LDLRAD3: variants seen among roughly 807,000 people sequenced by gnomAD.
LDLRAD3 encodes low density lipoprotein receptor class A domain containing 3, also known as low-density lipoprotein receptor class A domain-containing protein 3.
Under a neutral mutation model 29.4 loss-of-function variants are expected in LDLRAD3, and 20 were observed. The observed-to-expected ratio is 0.68, with a 90% CI of 0.48 to 0.99. LDLRAD3 has a LOEUF of 0.99. Ranked by LOEUF, LDLRAD3 falls within the 50% of genes least tolerant of loss-of-function variation. The pLI is 0.00. For synonymous variants in LDLRAD3, 157 were observed against 192.7 expected (o/e 0.81, Z 1.53); for missense variants, 420 against 454.3 (o/e 0.92, Z 0.69).
intron 4 of LDLRAD3, among the ~76,000 whole-genome samples, chr11:36,192,327 C>T (rs1374242032): frequency 6.6e-6 from 1 of 152,204 alleles, no homozygotes; most frequent in Non-Finnish European, 1.5e-5. Context: ...GACCACTGCA[C>T]CCCCACTTGT....
At chr11:36,192,819 A>G (rs1288447339) in intron 4 of LDLRAD3, among the ~76,000 whole-genome samples, 1 of 152,188 alleles carries the variant, frequency 6.6e-6, no homozygotes, top group African/African-American at 2.4e-5. Flanking sequence ...CTCCCCGGCC[A>G]AACCAGCCAA....
At chr11:36,121,534 G>T (rs554775366) in intron 4 of LDLRAD3, among the ~76,000 whole-genome samples, 1 of 152,334 alleles carries the variant, frequency 6.6e-6, no homozygotes, top group South Asian at 2.1e-4. Flanking sequence ...CACCACAATG[G>T]CGATGGCTCC....
chr11:36,229,574 C>T lies in LDLRAD3; in HGVS notation c.*177C>T, dbSNP rs113278126. 3.6e-5 allele frequency: 21 copies of T among 576,242 alleles called. No homozygotes were observed. Among genetic ancestry groups the T allele is most frequent in the African/African-American group, 1.5e-4 (8 of 53,982 alleles). 35.7% of individuals were successfully genotyped at this position (576,242 alleles called of 1,614,324 possible). A position where few individuals can be genotyped will look rare whatever the true frequency, so the allele number is the denominator to read the frequency against. ...CCAGACTTCAGAGATGTTTTTCTGG[C>T]GTCTCAGTTGACATGATCTGTTGTG... On this transcript the variant is annotated 3_prime_UTR_variant, in exon 6 of 6. Coordinates refer to ENST00000315571, the MANE Select transcript of LDLRAD3 (RefSeq NM_174902.4).
At chr11:36,091,276 A>G (rs1853276298) in intron 3 of LDLRAD3, among the ~76,000 whole-genome samples, 1 of 152,202 alleles carries the variant, frequency 6.6e-6, no homozygotes, top group South Asian at 2.1e-4. Flanking sequence ...CCTTTGAGGT[A>G]GGAGAGGAGC....
chr11:36,137,143 C>T (rs1043413511), intron 4 of LDLRAD3, among the ~76,000 whole-genome samples: 1 of 152,176 alleles, frequency 6.6e-6, no homozygotes, highest in Non-Finnish European at 1.5e-5. Flanking sequence ...TGGAACATAA[C>T]GCAGCCATGC....
At chr11:35,967,516 A>G (rs1289954671) in intron 1 of LDLRAD3, 3 of 363,972 alleles carry the variant, frequency 8.2e-6, no homozygotes, top group Non-Finnish European at 1.6e-5. Context: ...CTAGGCAGCA[A>G]CTATCTGCTT....
intron 1 of LDLRAD3, among the ~76,000 whole-genome samples, chr11:35,969,357 C>T (rs549281545): frequency 6.6e-6 from 1 of 152,236 alleles, no homozygotes; most frequent in Admixed American, 6.5e-5. Flanking sequence ...TTAATGGGTC[C>T]CAGGTTCTCC....
chr11:36,105,339 G>A (rs778901184), intron 4 of LDLRAD3, among the ~76,000 whole-genome samples: 1 of 151,766 alleles, frequency 6.6e-6, no homozygotes, highest in Non-Finnish European at 1.5e-5. Context: ...GGAGGTAATG[G>A]GTAGGTGAGG....
At chr11:36,168,498 CT>C (rs5791083) in intron 4 of LDLRAD3, among the ~76,000 whole-genome samples, 3,949 of 115,792 alleles carry the variant, frequency 0.034, 109 homozygotes, top group African/African-American at 0.077. Flanking sequence ...TTTCTTTCTT[CT>C]TTTTTTTTTT....
intron 3 of LDLRAD3, among the ~76,000 whole-genome samples, chr11:36,092,122 GA>G (rs1413825103): frequency 6.6e-6 from 1 of 152,126 alleles, no homozygotes; most frequent in Non-Finnish European, 1.5e-5. Context: ...GAGACGTATC[GA>G]ATCTTGGCTT....
intron 4 of LDLRAD3, among the ~76,000 whole-genome samples, chr11:36,111,705 C>T (rs1853607870): frequency 6.6e-6 from 1 of 151,920 alleles, no homozygotes; most frequent in Non-Finnish European, 1.5e-5. Flanking sequence ...GGTTCAAGCA[C>T]TTCTCTGCCT....
intron 2 of LDLRAD3, among the ~76,000 whole-genome samples, chr11:36,058,829 T>C (rs1852659032): frequency 6.6e-6 from 1 of 152,178 alleles, no homozygotes; most frequent in Admixed American, 6.5e-5. Context: ...CACCTTACAA[T>C]GTATAGGACA....
At chr11:36,070,980 C>G (rs1422253036) in intron 2 of LDLRAD3, among the ~76,000 whole-genome samples, 3 of 152,238 alleles carry the variant, frequency 2.0e-5, no homozygotes, top group South Asian at 2.1e-4. Flanking sequence ...TCCTGCAACC[C>G]AGAGAAACCA....
At chr11:36,136,327 G>A (rs1854004005) in intron 4 of LDLRAD3, among the ~76,000 whole-genome samples, 1 of 152,210 alleles carries the variant, frequency 6.6e-6, no homozygotes, top group African/African-American at 2.4e-5. Flanking sequence ...ATTGAGGCCA[G>A]TGTACAGAGA....
intron 1 of LDLRAD3, among the ~76,000 whole-genome samples, chr11:36,006,778 C>T (rs1565157182): frequency 3.3e-5 from 5 of 152,252 alleles, no homozygotes. Context: ...ATAAATAGTG[C>T]TCCACTGTTA....
At chr11:36,113,371 A>T (rs560239972) in intron 4 of LDLRAD3, among the ~76,000 whole-genome samples, 20 of 152,106 alleles carry the variant, frequency 1.3e-4, no homozygotes, top group African/African-American at 4.8e-4. Context: ...TTCCAAGACC[A>T]CTACAGTGGT....
intron 4 of LDLRAD3, among the ~76,000 whole-genome samples, chr11:36,173,967 T>C (rs1189869843): frequency 1.3e-5 from 2 of 152,104 alleles, no homozygotes; most frequent in Admixed American, 1.3e-4. Context: ...CAAACTACAC[T>C]ACAAGGCTAC....
At chr11:36,097,525 G>A (rs528530423) in intron 3 of LDLRAD3, among the ~76,000 whole-genome samples, 34 of 152,058 alleles carry the variant, frequency 2.2e-4, no homozygotes, top group Non-Finnish European at 4.6e-4. Flanking sequence ...GCCAGCCTTC[G>A]GGTTGACCAT....
intron 1 of LDLRAD3, among the ~76,000 whole-genome samples, chr11:35,976,569 G>A (rs1357522114): frequency 2.0e-5 from 3 of 152,150 alleles, no homozygotes; most frequent in Admixed American, 1.3e-4. Flanking sequence ...AGTATTTCCT[G>A]TGTACCCTCA....
Sources: allele counts gnomAD v4.1 joint callset (sites outside exome capture counted in the v4.1 genomes callset), GRCh38; gene constraint gnomAD v4.1.1; transcripts MANE v1.5; gene names NCBI Gene and HGNC (gene_info 2026-07-23, HGNC 2026-07-21).